The following PDE4D variants were observed in gnomAD, a reference collection of about 807,000 sequenced individuals.
PDE4D encodes the protein 3',5'-cyclic-AMP phosphodiesterase 4D.
PDE4D carries 24 observed loss-of-function variants against 87.4 expected under a neutral mutation model. That is an observed-to-expected ratio of 0.27 (90% CI 0.20 to 0.39). The LOEUF (loss-of-function observed/expected upper bound fraction) is 0.39, where lower values mean the gene tolerates loss of function less well. Ranked by LOEUF, PDE4D falls within the 10% of genes least tolerant of loss-of-function variation. PDE4D has a pLI of 1.00. For synonymous variants in PDE4D, 384 were observed against 383.2 expected (o/e 1.00, Z -0.02); for missense variants, 714 against 1,041.0 (o/e 0.69, Z 4.32).
intron 1 of PDE4D, among the ~76,000 whole-genome samples, chr5:59,688,204 C>A (rs1750249233): frequency 6.6e-6 from 1 of 152,196 alleles, no homozygotes; most frequent in Non-Finnish European, 1.5e-5. Context: ...GAACTCAGCT[C>A]TGCACCAAGT....
chr5:59,472,119 G>A (rs899515260), intron 1 of PDE4D, among the ~76,000 whole-genome samples: 37 of 152,130 alleles, frequency 2.4e-4, no homozygotes, highest in Middle Eastern at 3.4e-3. Flanking sequence ...TACTACATAC[G>A]GTCTTGGAAA....
chr5:60,123,142 TC>T (rs1778835671), intron 2 of PDE4D, among the ~76,000 whole-genome samples: 1 of 152,194 alleles, frequency 6.6e-6, no homozygotes, highest in Non-Finnish European at 1.5e-5. Flanking sequence ...TTAACAAGTC[TC>T]TAGGAAGCTC....
upstream of PDE4D, among the ~76,000 whole-genome samples, chr5:59,897,714 A>G (rs1235146245): frequency 7.2e-5 from 11 of 151,890 alleles, no homozygotes; most frequent in Admixed American, 5.9e-4. Flanking sequence ...CACTTTGCAT[A>G]CATTCTATGT....
At chr5:59,438,820 C>A (rs1028114286) in intron 1 of PDE4D, among the ~76,000 whole-genome samples, 17 of 151,944 alleles carry the variant, frequency 1.1e-4, no homozygotes, top group African/African-American at 4.1e-4. Context: ...AATAGAGAAA[C>A]TCATAATAAA....
intron 3 of PDE4D, among the ~76,000 whole-genome samples, chr5:59,984,531 T>G (rs1490477076): frequency 6.6e-6 from 1 of 152,146 alleles, no homozygotes. Flanking sequence ...TTGGGCATAC[T>G]CAAAAGAAAT....
chr5:59,031,707 CAAAAAAAAA>C (rs70973183), intron 6 of PDE4D, among the ~76,000 whole-genome samples: 11 of 16,682 alleles, frequency 6.6e-4, no homozygotes, highest in Non-Finnish European at 9.0e-4. Flanking sequence ...GACTCCACCT[CAAAAAAAAA>C]AAAAAAAAAA....
intron 5 of PDE4D, among the ~76,000 whole-genome samples, chr5:59,143,054 G>C (rs921462821): frequency 2.6e-5 from 4 of 151,722 alleles, no homozygotes; most frequent in Admixed American, 2.6e-4. Flanking sequence ...AGATTCTATA[G>C]AGGAATGAAG....
At chr5:59,255,162 T>C (rs1313671031) in intron 1 of PDE4D, among the ~76,000 whole-genome samples, 1 of 152,138 alleles carries the variant, frequency 6.6e-6, no homozygotes, top group Non-Finnish European at 1.5e-5. Flanking sequence ...ACAACGCAAG[T>C]GTCTATCAAC....
At position 58,971,742 on chromosome 5, in the gene PDE4D, C is replaced by CAT. The variant is rs1361047060; in HGVS notation, c.*2920_*2921dup. 6.6e-6 allele frequency: 1 copy of CAT among 152,566 alleles called. No homozygotes were observed. The highest frequency in any genetic ancestry group is 1.5e-5 in the Non-Finnish European group (1 of 68,014). 9.5% of individuals were successfully genotyped at this position (152,566 alleles called of 1,614,324 possible). On this transcript the variant is annotated 3_prime_UTR_variant, in exon 15 of 15. Coordinates refer to ENST00000340635, the MANE Select transcript of PDE4D (RefSeq NM_001104631.2). ...TGCACTGGTTTTACACAAACTTGGA[C>CAT]ATTTTTTTCCCCATACAGTACCCAG...
intron 1 of PDE4D, among the ~76,000 whole-genome samples, chr5:60,367,822 T>A (rs1760686937): frequency 6.6e-6 from 1 of 152,194 alleles, no homozygotes; most frequent in Non-Finnish European, 1.5e-5. Flanking sequence ...ATGACTCTTT[T>A]GGAGGAATCA....
chr5:60,474,250 G>A (rs1748134178), intron 1 of PDE4D, among the ~76,000 whole-genome samples: 1 of 150,286 alleles, frequency 6.7e-6, no homozygotes, highest in Non-Finnish European at 1.5e-5. Context: ...CAGATTAAAT[G>A]TCTGGTGAGG....
intron 1 of PDE4D, among the ~76,000 whole-genome samples, chr5:59,606,640 G>A (rs1430524943): frequency 6.6e-6 from 1 of 152,076 alleles, no homozygotes; most frequent in Non-Finnish European, 1.5e-5. Flanking sequence ...AGGACTGGTT[G>A]GAGGGGATGC....
intron 3 of PDE4D, among the ~76,000 whole-genome samples, chr5:59,985,465 T>G (rs2152828655): frequency 6.6e-6 from 1 of 152,136 alleles, no homozygotes; most frequent in South Asian, 2.1e-4. Flanking sequence ...CTACTTCTCC[T>G]CCAAAGCTTC....
intron 1 of PDE4D, among the ~76,000 whole-genome samples, chr5:59,631,849 GT>G (rs1554047443): frequency 6.7e-6 from 1 of 150,240 alleles, no homozygotes; most frequent in African/African-American, 2.4e-5. Flanking sequence ...GCTAGCTGCA[GT>G]TTTTTTTTCA....
intron 1 of PDE4D, among the ~76,000 whole-genome samples, chr5:59,457,266 C>T (rs1472331569): frequency 5.9e-5 from 9 of 152,194 alleles, no homozygotes; most frequent in Non-Finnish European, 8.8e-5. Context: ...TAGCCATCAA[C>T]GTCAAGGCAA....
intron 1 of PDE4D, among the ~76,000 whole-genome samples, chr5:59,730,007 C>T (rs1009001928): frequency 1.3e-5 from 2 of 152,050 alleles, no homozygotes; most frequent in African/African-American, 4.8e-5. Context: ...CATCGCTACA[C>T]TCCTGGTGCT....
chr5:60,395,443 A>G (rs536262952), intron 1 of PDE4D, among the ~76,000 whole-genome samples: 3 of 152,246 alleles, frequency 2.0e-5, no homozygotes, highest in Non-Finnish European at 2.9e-5. Context: ...CAAATTAAGG[A>G]TTTTTTCCTA....
chr5:59,120,598 G>A (rs1161073424), intron 5 of PDE4D, among the ~76,000 whole-genome samples: 1 of 151,444 alleles, frequency 6.6e-6, no homozygotes, highest in Non-Finnish European at 1.5e-5. Flanking sequence ...AAAAATTATT[G>A]TACTGCTCAA....
At chr5:60,344,910 G>A (rs1300910444) in intron 1 of PDE4D, among the ~76,000 whole-genome samples, 1 of 151,746 alleles carries the variant, frequency 6.6e-6, no homozygotes, top group Non-Finnish European at 1.5e-5. Context: ...GACATATTGT[G>A]GAAAAAGTGA....
Sources: allele counts gnomAD v4.1 joint callset (sites outside exome capture counted in the v4.1 genomes callset), GRCh38; gene constraint gnomAD v4.1.1; transcripts MANE v1.5; gene names NCBI Gene and HGNC (gene_info 2026-07-23, HGNC 2026-07-21).